TRABD2B: variants seen among roughly 807,000 people sequenced by gnomAD.
The protein encoded by TRABD2B is TraB domain containing 2B.
A neutral mutation model predicts 40.1 loss-of-function variants in TRABD2B; 14 were observed. The observed-to-expected ratio is 0.35, with a 90% CI of 0.23 to 0.55. The LOEUF is 0.55. Ranked by LOEUF, TRABD2B falls within the 20% of genes least tolerant of loss-of-function variation. The pLI, the probability that TRABD2B is intolerant of heterozygous loss-of-function variation, is 0.90. For missense variants in TRABD2B, 541 were observed against 648.6 expected (o/e 0.83, Z 1.80); for synonymous variants, 263 against 277.0 (o/e 0.95, Z 0.50).
chr1:47,855,232 T>C lies in TRABD2B; in HGVS notation c.667-53613A>G, dbSNP rs372005210. 1.1e-4 allele frequency among the ~76,000 whole-genome samples: 17 copies of C among 152,380 alleles called. No homozygotes were observed. In the East Asian group the frequency reaches 2.9e-3, roughly 26 times the overall value. On this transcript the variant is annotated intron_variant, in intron 2 of 6. Coordinates refer to ENST00000606738, the MANE Select transcript of TRABD2B (RefSeq NM_001194986.2). ...ACACATTGATCTTCCAATATATTTGTTTCCCATATTTTTTAAAATATTGAT... is the reference window on the plus strand; with the variant it reads ...ACACATTGATCTTCCAATATATTTGCTTCCCATATTTTTTAAAATATTGAT...
intron 2 of TRABD2B, among the ~76,000 whole-genome samples, chr1:47,974,491 C>T (rs537504915): frequency 3.9e-4 from 59 of 152,148 alleles, no homozygotes; most frequent in Non-Finnish European, 8.2e-4. Flanking sequence ...CTCTAGCCTA[C>T]TGATTTTTGT....
At chr1:47,987,574 T>C (rs1360636282) in intron 2 of TRABD2B, among the ~76,000 whole-genome samples, 1 of 152,192 alleles carries the variant, frequency 6.6e-6, no homozygotes, top group African/African-American at 2.4e-5. Flanking sequence ...CCTGTGCTCC[T>C]GCTTCTGTGT....
intron 2 of TRABD2B, among the ~76,000 whole-genome samples, chr1:47,941,771 T>C (rs1645192556): frequency 6.6e-6 from 1 of 152,220 alleles, no homozygotes; most frequent in Non-Finnish European, 1.5e-5. Flanking sequence ...TTTGAGTCCC[T>C]TCTCTGCCAC....
At chr1:47,893,584 T>C (rs1644478865) in intron 2 of TRABD2B, among the ~76,000 whole-genome samples, 1 of 152,224 alleles carries the variant, frequency 6.6e-6, no homozygotes, top group Non-Finnish European at 1.5e-5. Context: ...GCCTCACATT[T>C]CAATGCTTGA....
At chr1:47,880,167 A>G (rs186981889) in intron 2 of TRABD2B, among the ~76,000 whole-genome samples, 87 of 152,222 alleles carry the variant, frequency 5.7e-4, no homozygotes, top group Middle Eastern at 3.4e-3. Context: ...AAATTATTGT[A>G]TATTTGGGGG....
chr1:47,806,488 A>G (rs1278898698), intron 2 of TRABD2B, among the ~76,000 whole-genome samples: 1 of 152,090 alleles, frequency 6.6e-6, no homozygotes, highest in Admixed American at 6.5e-5. Context: ...CCACTCTAGG[A>G]TAATGTTTAT....
Position 47,994,417 on chromosome 1 carries a change from AG to A in TRABD2B, c.282del (p.Ser95ArgfsTer27). On this transcript the variant is annotated frameshift_variant, in exon 2 of 7. Coordinates refer to ENST00000606738, the MANE Select transcript of TRABD2B (RefSeq NM_001194986.2). LOFTEE classifies it high-confidence loss of function. The surrounding 1 kb of genome is among the most constrained non-coding windows in gnomAD (Gnocchi z 6.7). Reference sequence around the variant, plus strand: ...AGCAGCTGGCAGCTGGCCAGGGCCGAGATGGTGTAGGGGTCTGTAAGGTCCA... The same window carrying A: ...AGCAGCTGGCAGCTGGCCAGGGCCGAATGGTGTAGGGGTCTGTAAGGTCCA... ...FELDLTDPYT[I>X]SALASCQLLP... The A allele has an allele frequency of 2.0e-6, 3 of 1,536,074 alleles. No homozygotes were observed. The highest frequency in any genetic ancestry group is 2.6e-6 in the Non-Finnish European group (3 of 1,146,908).
intron 2 of TRABD2B, among the ~76,000 whole-genome samples, chr1:47,802,698 C>T (rs1278251104): frequency 6.6e-6 from 1 of 152,156 alleles, no homozygotes; most frequent in Non-Finnish European, 1.5e-5. Context: ...CCAGCCTTGT[C>T]ACCCACCTCA....
intron 2 of TRABD2B, among the ~76,000 whole-genome samples, chr1:47,847,767 A>G (rs551087884): frequency 1.2e-3 from 182 of 152,358 alleles, no homozygotes; most frequent in Admixed American, 3.7e-3. Context: ...ATACGAAAGA[A>G]ATTATGGATG....
At chr1:47,777,528 C>T (rs115067577) in intron 5 of TRABD2B, among the ~76,000 whole-genome samples, 2,294 of 152,274 alleles carry the variant, frequency 0.015, 23 homozygotes, top group Admixed American at 0.028. Flanking sequence ...TGTCCTTCTG[C>T]AAGTGACTTC....
intron 2 of TRABD2B, among the ~76,000 whole-genome samples, chr1:47,914,387 C>T (rs970091263): frequency 1.3e-5 from 2 of 152,248 alleles, no homozygotes; most frequent in South Asian, 4.1e-4. Context: ...TTCAGGCTAC[C>T]GTCCTGGTGA....
At chr1:47,817,689 T>C (rs1343166309) in intron 2 of TRABD2B, among the ~76,000 whole-genome samples, 1 of 152,154 alleles carries the variant, frequency 6.6e-6, no homozygotes, top group African/African-American at 2.4e-5. Context: ...AGGACTGATA[T>C]CTGCTCCTCT....
intron 3 of TRABD2B, chr1:47,795,808 C>G: frequency 3.1e-6 from 2 of 641,650 alleles, no homozygotes; most frequent in Non-Finnish European, 3.9e-6. Context: ...GCCTCCATCC[C>G]TTTTTGAATA....
rs1646101964 is a variant in TRABD2B at position 47,996,921 on chromosome 1, G to GAC, written c.-133_-132insGT. 1 of 1,122,938 alleles carries GAC rather than the reference G, an allele frequency of 8.9e-7. No individual in the cohort carries two copies. The highest frequency in any genetic ancestry group is 1.1e-6 in the Non-Finnish European group (1 of 919,268). 69.6% of individuals were successfully genotyped at this position (1,122,938 alleles called of 1,614,324 possible). A position where few individuals can be genotyped will look rare whatever the true frequency, so the allele number is the denominator to read the frequency against. ...GCCGCAGGATGCTGGGCGCCCTCTGGGGCGTGGCTGACTGTCCCTGTCGGA... is the reference window on the plus strand; with the variant it reads ...GCCGCAGGATGCTGGGCGCCCTCTGGACGGCGTGGCTGACTGTCCCTGTCGGA... On this transcript the variant is annotated 5_prime_UTR_variant, in exon 1 of 7. Coordinates refer to ENST00000606738, the MANE Select transcript of TRABD2B (RefSeq NM_001194986.2). This position sits in a 1 kb window ranked among gnomAD's most constrained non-coding sequence, Gnocchi z 4.6.
intron 2 of TRABD2B, among the ~76,000 whole-genome samples, chr1:47,888,032 T>G (rs1441500138): frequency 1.3e-5 from 2 of 152,208 alleles, no homozygotes; most frequent in Non-Finnish European, 2.9e-5. Flanking sequence ...ACCCATCCCT[T>G]TCTTTCCCCC....
At chr1:47,979,286 G>A (rs918642985) in intron 2 of TRABD2B, among the ~76,000 whole-genome samples, 1 of 152,226 alleles carries the variant, frequency 6.6e-6, no homozygotes, top group Non-Finnish European at 1.5e-5. Context: ...CCCTGCATGT[G>A]TACTCAAAGC....
chr1:47,988,840 C>A (rs1645959054), intron 2 of TRABD2B, among the ~76,000 whole-genome samples: 1 of 152,196 alleles, frequency 6.6e-6, no homozygotes, highest in Non-Finnish European at 1.5e-5. Flanking sequence ...AAGTCACAGG[C>A]AAGGTACTAA....
chr1:47,962,403 A>C (rs1645534728), intron 2 of TRABD2B, among the ~76,000 whole-genome samples: 1 of 152,106 alleles, frequency 6.6e-6, no homozygotes, highest in Admixed American at 6.5e-5. Context: ...AACCCAACTC[A>C]TTGACTGCAG....
intron 2 of TRABD2B, among the ~76,000 whole-genome samples, chr1:47,871,729 C>T (rs1202284911): frequency 6.6e-6 from 1 of 152,186 alleles, no homozygotes; most frequent in Non-Finnish European, 1.5e-5. Flanking sequence ...AGAGGCAGAG[C>T]CTGCTTAAGG....
Sources: gnomAD v4.1 joint callset for allele counts (sites outside exome capture counted in the v4.1 genomes callset) on GRCh38, gnomAD v4.1.1 for gene constraint, Gnocchi (gnomAD v3.1) non-coding constraint, MANE v1.5 for transcripts, NCBI Gene and HGNC (gene_info 2026-07-23, HGNC 2026-07-21) for gene names.